OTOGL: variants seen among roughly 807,000 people sequenced by gnomAD.
The protein encoded by OTOGL is otogelin like.
A neutral mutation model predicts 318.5 loss-of-function variants in OTOGL; 285 were observed. That is an observed-to-expected ratio of 0.89 (90% CI 0.81 to 0.99). The LOEUF is 0.99. Among genes scored for constraint, OTOGL ranks in the 50% least tolerant of loss-of-function variants. The pLI is 0.00. For missense variants in OTOGL, 2,899 were observed against 2,845.6 expected (o/e 1.02, Z -0.43); for synonymous variants, 987 against 936.5 (o/e 1.05, Z -0.99).
At chr12:80,150,202 A>G (rs968117284) in intron 1 of OTOGL, among the ~76,000 whole-genome samples, 1 of 152,228 alleles carries the variant, frequency 6.6e-6, no homozygotes, top group African/African-American at 2.4e-5. Context: ...AAATCTCTCT[A>G]GAATATTTTT....
At position 80,336,770 on chromosome 12, in the gene OTOGL, TA is replaced by T. The variant is rs1383426623; in HGVS notation, c.4744-23del. 3 of 1,494,610 alleles carry T rather than the reference TA, an allele frequency of 2.0e-6. No homozygotes were observed. The African/African-American group carries it at 4.3e-5, about 21-fold the overall frequency. The allele number at this position is 1,494,610 out of a possible 1,614,324, so 92.6% of individuals were successfully genotyped here. On this transcript the variant is annotated intron_variant, in intron 40 of 58. Coordinates refer to ENST00000547103, the MANE Select transcript of OTOGL (RefSeq NM_001378609.3). ...GTTTTAAAAAGTCAAATAATGCATT[TA>T]AAAGTATTTCTTTTTTTTTTTCCAG...
chr12:80,316,320 T>C (rs558833513), intron 32 of OTOGL, among the ~76,000 whole-genome samples: 1 of 152,306 alleles, frequency 6.6e-6, no homozygotes, highest in East Asian at 1.9e-4. Flanking sequence ...CACTCAAAAA[T>C]TCCTGTCACA....
chr12:80,377,088 C>A, intron 57 of OTOGL, 35 bp from the exon 58 acceptor site: 3 of 1,438,708 alleles, frequency 2.1e-6, no homozygotes, highest in Admixed American at 1.8e-5. Flanking sequence ...TTAACGTAGG[C>A]CTTTGATGAA....
At chr12:80,368,819 A>AT (rs35591526) in intron 55 of OTOGL, among the ~76,000 whole-genome samples, 25 of 147,030 alleles carry the variant, frequency 1.7e-4, no homozygotes, top group Non-Finnish European at 2.9e-4. Flanking sequence ...GACAACTACT[A>AT]TTTTTTTTTT....
chr12:80,307,263 C>CT (rs976481189), intron 29 of OTOGL, among the ~76,000 whole-genome samples: 43 of 151,698 alleles, frequency 2.8e-4, no homozygotes, highest in Non-Finnish European at 4.9e-4. Context: ...CACCTTTCCC[C>CT]CCTTTCTATT....
At chr12:80,345,439 G>T (rs543474467) in intron 44 of OTOGL, among the ~76,000 whole-genome samples, 1 of 151,364 alleles carries the variant, frequency 6.6e-6, no homozygotes, top group Non-Finnish European at 1.5e-5. Context: ...GTTTCACCAC[G>T]TTGGCCAGGC....
At chr12:80,142,629 C>T (rs1343411682) in intron 1 of OTOGL, among the ~76,000 whole-genome samples, 1 of 152,156 alleles carries the variant, frequency 6.6e-6, no homozygotes, top group Non-Finnish European at 1.5e-5. Flanking sequence ...TCCCTCACTG[C>T]TTGCAGCCTA....
Position 80,217,669 on chromosome 12 carries a change from G to A in OTOGL, c.235+5G>A. 1 of 1,511,986 alleles carries A rather than the reference G, an allele frequency of 6.6e-7. No individual in the cohort carries two copies. Among genetic ancestry groups the A allele is most frequent in the Non-Finnish European group, 9.0e-7 (1 of 1,115,060 alleles). 93.7% of individuals were successfully genotyped at this position (1,511,986 alleles called of 1,614,324 possible). A position where few individuals can be genotyped will look rare whatever the true frequency, so the allele number is the denominator to read the frequency against. ...GGGGTGAGAGCAAAATAAAAGGTCA[G>A]TGTTTATACTTAGGTTTTCATATTT... On this transcript the variant is annotated splice_donor_5th_base_variant and intron_variant, in intron 5 of 58. Transcript: ENST00000547103.
chr12:80,120,100 C>G (rs1870399648), intron 1 of OTOGL, among the ~76,000 whole-genome samples: 2 of 151,500 alleles, frequency 1.3e-5, no homozygotes, highest in African/African-American at 4.9e-5. Flanking sequence ...TTTGAATATG[C>G]TGGTTATCTT....
At chr12:80,169,695 G>C (rs1336713811) in intron 1 of OTOGL, among the ~76,000 whole-genome samples, 4 of 152,096 alleles carry the variant, frequency 2.6e-5, no homozygotes, top group Non-Finnish European at 5.9e-5. Context: ...TTCTGTCCCT[G>C]AGCCTTGGCC....
Position 80,367,668 on chromosome 12 carries a change from GA to G in OTOGL, c.6444del (p.Asp2149IlefsTer9). The stretch of plus-strand genomic sequence containing the variant: ...TTGTTATGCTATAGAGTGTCTGGAA[GA>G]AAAAGATAACCATACGGGCTTTCAC... ...DFCYAIECLE[E>X]KDNHTGFHTL... On this transcript the variant is annotated frameshift_variant, in exon 54 of 59. Transcript: ENST00000547103. LOFTEE classifies it high-confidence loss of function. 6.7e-7 allele frequency: 1 copy of G among 1,497,658 alleles called. No homozygotes were observed. Among genetic ancestry groups the G allele is most frequent in the Non-Finnish European group, 8.9e-7 (1 of 1,119,926 alleles). The allele number at this position is 1,497,658 out of a possible 1,614,324, so 92.8% of individuals were successfully genotyped here.
intron 37 of OTOGL, among the ~76,000 whole-genome samples, chr12:80,331,536 C>T (rs1468868352): frequency 6.6e-5 from 10 of 151,750 alleles, no homozygotes; most frequent in East Asian, 5.8e-4. Flanking sequence ...GGCGGGGTTT[C>T]GCCATGTTGG....
intron 24 of OTOGL, among the ~76,000 whole-genome samples, chr12:80,277,673 C>T (rs1365077458): frequency 1.3e-5 from 2 of 151,444 alleles, no homozygotes; most frequent in African/African-American, 4.8e-5. Context: ...GTTCCACACA[C>T]ACCTAAGTTA....
intron 1 of OTOGL, among the ~76,000 whole-genome samples, chr12:80,140,276 A>C (rs546800771): frequency 6.6e-6 from 1 of 152,218 alleles, no homozygotes; most frequent in South Asian, 2.1e-4. Flanking sequence ...CTTTATTTCA[A>C]CTTTAGGGTC....
chr12:80,274,480 A>G (rs931267349), intron 24 of OTOGL, among the ~76,000 whole-genome samples: 6 of 152,042 alleles, frequency 3.9e-5, no homozygotes, highest in Non-Finnish European at 5.9e-5. Context: ...AAGCCAGCAG[A>G]GGTTGGCTTA....
intron 1 of OTOGL, among the ~76,000 whole-genome samples, chr12:80,176,261 A>G (rs1265652977): frequency 1.3e-5 from 2 of 152,200 alleles, no homozygotes; most frequent in Non-Finnish European, 2.9e-5. Context: ...TATAATTTAC[A>G]TATGTTAAAC....
At chr12:80,190,467 C>T (rs1384597527) in intron 1 of OTOGL, among the ~76,000 whole-genome samples, 1 of 152,114 alleles carries the variant, frequency 6.6e-6, no homozygotes. Context: ...AAACCGTGGG[C>T]AAAGTGAACA....
At chr12:80,304,416 T>A (rs1192668037) in intron 28 of OTOGL, among the ~76,000 whole-genome samples, 1 of 152,190 alleles carries the variant, frequency 6.6e-6, no homozygotes. Context: ...TGTATTTTTT[T>A]AAAATTTAGT....
rs557570164 is a variant in OTOGL, at chr12:80,306,512, C to G, written c.3333+817C>G. 7.2e-5 allele frequency among the ~76,000 whole-genome samples: 11 copies of G among 152,118 alleles called. No individual in the cohort carries two copies. In the South Asian group the frequency reaches 2.3e-3, roughly 32 times the overall value. ...TTTGGTTAGTTACTTCTCTACTTTGCCTAGTTTACTAATATGTCTAAATCT... is the reference window on the plus strand; with the variant it reads ...TTTGGTTAGTTACTTCTCTACTTTGGCTAGTTTACTAATATGTCTAAATCT... On this transcript the variant is annotated intron_variant, in intron 29 of 58. Transcript: ENST00000547103.
Sources: allele counts gnomAD v4.1 joint callset (sites outside exome capture counted in the v4.1 genomes callset), GRCh38; gene constraint gnomAD v4.1.1; transcripts MANE v1.5; gene names NCBI Gene and HGNC (gene_info 2026-07-23, HGNC 2026-07-21).